DAB1: variants seen among roughly 807,000 people sequenced by gnomAD.
The protein encoded by DAB1 is disabled homolog 1.
DAB1 carries 15 observed loss-of-function variants against 64.6 expected under a neutral mutation model. The observed-to-expected ratio is 0.23, with a 90% confidence interval of 0.16 to 0.36. The LOEUF (loss-of-function observed/expected upper bound fraction) is 0.36. Ranked by LOEUF, DAB1 falls within the 10% of genes least tolerant of loss-of-function variation. DAB1 has a pLI of 1.00. For missense variants in DAB1, 596 were observed against 706.7 expected, an observed-to-expected ratio of 0.84 and a Z score of 1.78; for synonymous variants, 235 against 251.9, an observed-to-expected ratio of 0.93 and a Z score of 0.64.
intron 4 of DAB1, among the ~76,000 whole-genome samples, chr1:57,085,220 T>C (rs1015007480): frequency 6.6e-6 from 1 of 152,230 alleles, no homozygotes; most frequent in Non-Finnish European, 1.5e-5. Context: ...GCCAGTCTGA[T>C]GCCAAGCTTC....
chr1:58,068,119 G>A (rs1648973266), intron 5 of DAB1, among the ~76,000 whole-genome samples: 2 of 152,206 alleles, frequency 1.3e-5, no homozygotes, highest in Non-Finnish European at 2.9e-5. Flanking sequence ...AAAATTCAGG[G>A]AAGGCTCACA....
chr1:57,567,119 A>G (rs2101523400), intron 7 of DAB1, among the ~76,000 whole-genome samples: 1 of 152,374 alleles, frequency 6.6e-6, no homozygotes, highest in East Asian at 1.9e-4. Flanking sequence ...AGGCTGGTTC[A>G]ACATATACAA....
intron 1 of DAB1, among the ~76,000 whole-genome samples, chr1:57,854,045 A>C (rs1653647987): frequency 6.6e-6 from 1 of 152,170 alleles, no homozygotes; most frequent in African/African-American, 2.4e-5. Context: ...TGCTGCAAAT[A>C]CTGCACTGTT....
intron 6 of DAB1, among the ~76,000 whole-genome samples, chr1:57,737,336 C>G (rs986488368): frequency 1.1e-4 from 16 of 152,186 alleles, no homozygotes; most frequent in Admixed American, 9.8e-4. Context: ...TACTCACCAC[C>G]GGAATATCAT....
intron 1 of DAB1, among the ~76,000 whole-genome samples, chr1:57,856,852 G>T (rs894266516): frequency 6.6e-6 from 1 of 152,184 alleles, no homozygotes; most frequent in African/African-American, 2.4e-5. Context: ...TTCAACAGAT[G>T]GCTGGACCTA....
intron 5 of DAB1, among the ~76,000 whole-genome samples, chr1:58,081,521 TA>T (rs1324226681): frequency 6.6e-6 from 1 of 152,230 alleles, no homozygotes; most frequent in Non-Finnish European, 1.5e-5. Context: ...TGCCTGCACT[TA>T]AATGCTCAGC....
At chr1:57,336,015 C>T (rs1277197847) in intron 1 of DAB1, among the ~76,000 whole-genome samples, 1 of 152,188 alleles carries the variant, frequency 6.6e-6, no homozygotes, top group Non-Finnish European at 1.5e-5. Context: ...CTCATCACTG[C>T]ATTATGATGT....
intron 3 of DAB1, among the ~76,000 whole-genome samples, chr1:58,400,600 G>A (rs185148668): frequency 6.9e-4 from 105 of 152,282 alleles, no homozygotes; most frequent in African/African-American, 2.4e-3. Flanking sequence ...ATGTATTTAC[G>A]GCGCTGAGAC....
At chr1:57,929,587 A>C (rs1319902432) in intron 5 of DAB1, among the ~76,000 whole-genome samples, 1 of 152,150 alleles carries the variant, frequency 6.6e-6, no homozygotes, top group Non-Finnish European at 1.5e-5. Flanking sequence ...TGTTGCTATA[A>C]AGGAATATCT....
At chr1:58,384,901 T>TTAGA (rs1256650259) in intron 3 of DAB1, among the ~76,000 whole-genome samples, 1 of 152,242 alleles carries the variant, frequency 6.6e-6, no homozygotes, top group Non-Finnish European at 1.5e-5. Flanking sequence ...TGGCAGCTGA[T>TTAGA]TAGATGGTGC....
At chr1:57,915,129 T>TAAAAA (rs11321322) in intron 5 of DAB1, among the ~76,000 whole-genome samples, 1 of 117,354 alleles carries the variant, frequency 8.5e-6, no homozygotes, top group Non-Finnish European at 1.8e-5. Context: ...CTTTAAATCA[T>TAAAAA]AAAAAAAAAA....
In DAB1 at chr1:57,918,562, C is replaced by T. The variant is rs577659486; in HGVS notation, n.388-34400G>A. On this transcript the variant is annotated intron_variant and non_coding_transcript_variant, in intron 5 of 20. Transcript: ENST00000485760. ...GACCTAAGCCAGGCGCGGTGGCTCA[C>T]ACCTGTAATCCCAGCACTTTGGGAG... Among the ~76,000 whole-genome samples, 4 of 152,272 alleles carry T rather than the reference C, an allele frequency of 2.6e-5. No individual in the cohort carries two copies. In the South Asian group the frequency reaches 6.2e-4, roughly 24 times the overall value.
At chr1:58,470,145 TTTATTTATTTA>T (rs1553120111) in intron 3 of DAB1, among the ~76,000 whole-genome samples, 2 of 147,830 alleles carry the variant, frequency 1.4e-5, no homozygotes, top group Non-Finnish European at 3.0e-5. Context: ...TATTTATTTA[TTTATTTATTTA>T]TTTTTATTTT....
rs60983675 is a variant in DAB1, at chr1:57,975,909, G to T, written n.388-91747C>A. Among the ~76,000 whole-genome samples the T allele has an allele frequency of 4.3e-3, 658 of 152,258 alleles. 4 individuals carry two copies. The highest frequency in any genetic ancestry group is 0.015 in the African/African-American group (617 of 41,580). On this transcript the variant is annotated intron_variant and non_coding_transcript_variant, in intron 5 of 20. Coordinates refer to the DAB1 transcript ENST00000485760. ...AAACTTAAGGACTTCAAAGACAATT[G>T]CCAATTCATCCTTACCTACTAAGGG...
At chr1:57,715,405 C>T (rs936162643) in intron 6 of DAB1, among the ~76,000 whole-genome samples, 2 of 152,138 alleles carry the variant, frequency 1.3e-5, no homozygotes, top group Non-Finnish European at 2.9e-5. Flanking sequence ...TTTTATTCAG[C>T]ATAGTACTTG....
At chr1:57,433,417 G>A (rs891462031) in intron 7 of DAB1, among the ~76,000 whole-genome samples, 15 of 151,914 alleles carry the variant, frequency 9.9e-5, no homozygotes, top group African/African-American at 3.6e-4. Context: ...TTTTTGAAAA[G>A]TGACAATGCA....
intron 6 of DAB1, among the ~76,000 whole-genome samples, chr1:57,813,450 G>A (rs1228077365): frequency 6.6e-6 from 1 of 152,170 alleles, no homozygotes. Context: ...GGACACAAAG[G>A]CAAATTAAGA....
intron 3 of DAB1, among the ~76,000 whole-genome samples, chr1:58,364,878 T>C (rs2100529186): frequency 6.6e-6 from 1 of 152,370 alleles, no homozygotes; most frequent in South Asian, 2.1e-4. Flanking sequence ...AGCTGGGTTC[T>C]TCACATGATT....
chr1:57,555,642 T>C (rs985020168), intron 7 of DAB1, among the ~76,000 whole-genome samples: 1 of 152,156 alleles, frequency 6.6e-6, no homozygotes, highest in Non-Finnish European at 1.5e-5. Flanking sequence ...GCCATGGCTC[T>C]TGCTCTTAAA....
Sources: allele counts gnomAD v4.1 joint callset (sites outside exome capture counted in the v4.1 genomes callset), GRCh38; gene constraint gnomAD v4.1.1; transcripts MANE v1.5; gene names NCBI Gene and HGNC (gene_info 2026-07-23, HGNC 2026-07-21).